Variants in PCDH11X observed in about 807,000 individuals in gnomAD.
PCDH11X encodes the protein protocadherin-11 X-linked.
PCDH11X carries 18 observed loss-of-function variants against 53.3 expected under a neutral mutation model. The ratio of observed to expected loss-of-function variants is 0.34; its 90% CI spans 0.23 to 0.50. The LOEUF (loss-of-function observed/expected upper bound fraction) is 0.50. PCDH11X is among the 20% of genes least tolerant of loss of function. The pLI, the probability that PCDH11X is intolerant of heterozygous loss-of-function variation, is 0.98. For missense variants in PCDH11X, 570 were observed against 1,032.4 expected (o/e 0.55, Z 6.14); for synonymous variants, 279 against 393.3 (o/e 0.71, Z 3.44).
intron 1 of PCDH11X, among the ~76,000 whole-genome samples, chrX:91,799,812 CG>C (rs1935867779): frequency 8.9e-6 from 1 of 111,948 alleles, no homozygotes; most frequent in Admixed American, 9.4e-5. Context: ...TGGCTGGTTG[CG>C]GTGGCTCCCG....
chrX:92,442,110 C>T (rs955340343), intron 9 of PCDH11X, among the ~76,000 whole-genome samples: 2 of 111,358 alleles, frequency 1.8e-5, no homozygotes, highest in African/African-American at 6.5e-5. Context: ...TTTGGAATGG[C>T]TGTATTTACT....
intron 6 of PCDH11X, among the ~76,000 whole-genome samples, chrX:92,083,724 G>C (rs984287757): frequency 8.1e-5 from 9 of 110,959 alleles, no homozygotes; most frequent in Non-Finnish European, 1.5e-4. Context: ...TCCTTCTCAA[G>C]ACCCAAATTA....
intron 7 of PCDH11X, among the ~76,000 whole-genome samples, chrX:92,235,419 G>T (rs907884059): frequency 9.0e-6 from 1 of 111,030 alleles, no homozygotes; most frequent in Non-Finnish European, 1.9e-5. Flanking sequence ...GATAAAGGTG[G>T]TGTAGTATAA....
At chrX:92,594,658 T>G (rs1205001047) in intron 10 of PCDH11X, among the ~76,000 whole-genome samples, 3 of 109,480 alleles carry the variant, frequency 2.7e-5, no homozygotes, top group Non-Finnish European at 5.7e-5. Context: ...CTCTGACAGG[T>G]GCACTTGAAT....
chrX:92,230,437 T>A (rs754743727), intron 7 of PCDH11X, among the ~76,000 whole-genome samples: 383 of 20,077 alleles, frequency 0.019, 9 homozygotes, highest in Middle Eastern at 0.036. Flanking sequence ...AAATATATAT[T>A]ATATATTTAT....
intron 8 of PCDH11X, among the ~76,000 whole-genome samples, chrX:92,293,179 G>C (rs1009596323): frequency 2.7e-5 from 3 of 111,008 alleles, no homozygotes; most frequent in Non-Finnish European, 5.7e-5. Flanking sequence ...TTGATGTCAA[G>C]TTTAACAGAA....
chrX:92,232,958 G>A (rs993652326), intron 7 of PCDH11X, among the ~76,000 whole-genome samples: 3 of 111,079 alleles, frequency 2.7e-5, no homozygotes, highest in South Asian at 3.8e-4. Context: ...CTCCTGATCC[G>A]CCCACCGCGG....
intron 10 of PCDH11X, among the ~76,000 whole-genome samples, chrX:92,488,046 C>T: frequency 8.9e-6 from 1 of 112,503 alleles, no homozygotes; most frequent in Middle Eastern, 4.7e-3. Flanking sequence ...AGTCATCCTC[C>T]TGCCTCAGCC....
At chrX:92,200,417 T>C (rs1320396034) in intron 6 of PCDH11X, among the ~76,000 whole-genome samples, 1 of 111,943 alleles carries the variant, frequency 8.9e-6, no homozygotes, top group Non-Finnish European at 1.9e-5. Flanking sequence ...GCAATCCTAC[T>C]GCTGGTTATA....
chrX:92,532,650 CCTT>C (rs1335218041), intron 10 of PCDH11X, among the ~76,000 whole-genome samples: 1 of 59,654 alleles, frequency 1.7e-5, no homozygotes, highest in African/African-American at 5.5e-5. Context: ...AAGTTCTCCT[CCTT>C]CATTTAAAAA....
At chrX:91,823,444 C>CT (rs768877740) in intron 4 of PCDH11X, among the ~76,000 whole-genome samples, 1 of 111,069 alleles carries the variant, frequency 9.0e-6, no homozygotes, top group Admixed American at 9.6e-5. Context: ...TTCTTTGTCT[C>CT]TTTTGATCTT....
At chrX:92,461,843 G>C (rs1222504738) in intron 9 of PCDH11X, among the ~76,000 whole-genome samples, 2 of 111,411 alleles carry the variant, frequency 1.8e-5, no homozygotes, top group Admixed American at 1.9e-4. Context: ...AATATATGAG[G>C]AGCTCAAACA....
At chrX:92,142,075 C>T (rs2065188753) in intron 6 of PCDH11X, among the ~76,000 whole-genome samples, 2 of 110,751 alleles carry the variant, frequency 1.8e-5, no homozygotes, top group African/African-American at 6.5e-5. Flanking sequence ...TCGAATTTGT[C>T]AGATAGTTGT....
Position 91,835,544 on chromosome X carries a change from C to A in PCDH11X, c.40C>A (p.Leu14Ile). The A allele has an allele frequency of 8.3e-7, 1 of 1,211,308 alleles. No homozygotes were observed. Among genetic ancestry groups the A allele is most frequent in the South Asian group, 1.8e-5 (1 of 56,951 alleles). Residue 14 changes from leucine to isoleucine, a missense_variant, in exon 5 of 11, where the codon CTA becomes ATA. By Grantham distance (5) the Leu-to-Ile change is conservative. Coordinates refer to ENST00000682573, the MANE Select transcript of PCDH11X (RefSeq NM_032968.5). The stretch of plus-strand genomic sequence containing the variant: ...CGGGACGTACATTTTCGCGGTCCTG[C>A]TAGCATGCGTGGTGTTCCACTCTGG... ...LSGTYIFAVL[L>I]ACVVFHSGAQ...
intron 6 of PCDH11X, among the ~76,000 whole-genome samples, chrX:92,033,763 A>T (rs1249152930): frequency 3.7e-5 from 4 of 108,589 alleles, no homozygotes; most frequent in Non-Finnish European, 7.7e-5. Context: ...TCCGATCTTT[A>T]TTATTTATTT....
intron 7 of PCDH11X, among the ~76,000 whole-genome samples, chrX:92,231,134 A>G (rs1311697607): frequency 9.0e-6 from 1 of 111,685 alleles, no homozygotes; most frequent in Non-Finnish European, 1.9e-5. Context: ...TGTATCATAG[A>G]TAACTTCACC....
intron 8 of PCDH11X, among the ~76,000 whole-genome samples, chrX:92,321,192 T>G (rs1272774662): frequency 1.1e-5 from 1 of 93,966 alleles, no homozygotes; most frequent in Admixed American, 1.3e-4. Flanking sequence ...AAGTTTTTTT[T>G]TGTTTTTTTT....
intron 6 of PCDH11X, among the ~76,000 whole-genome samples, chrX:91,882,596 A>T (rs1286801193): frequency 9.1e-6 from 1 of 110,291 alleles, no homozygotes. Flanking sequence ...AAAAAACCTT[A>T]CAAGTTTCTG....
chrX:92,160,645 T>TC (rs1214034027), intron 6 of PCDH11X, among the ~76,000 whole-genome samples: 2 of 107,747 alleles, frequency 1.9e-5, no homozygotes, highest in African/African-American at 3.3e-5. Flanking sequence ...TTTTTTCTTT[T>TC]TTTTTTTTTT....
Sources: gnomAD v4.1 joint callset for allele counts (sites outside exome capture counted in the v4.1 genomes callset) on GRCh38, gnomAD v4.1.1 for gene constraint, MANE v1.5 for transcripts, NCBI Gene and HGNC (gene_info 2026-07-23, HGNC 2026-07-21) for gene names.